Variants in ULK4 observed in about 807,000 individuals in gnomAD.
ULK4 encodes unc-51 like kinase 4, also known as inactive serine/threonine-protein kinase ULK4.
Under a neutral mutation model 160.6 loss-of-function variants are expected in ULK4, and 133 were observed. That is an observed-to-expected ratio of 0.83 (90% CI 0.72 to 0.96). The LOEUF (loss-of-function observed/expected upper bound fraction) is 0.96. Among genes scored for constraint, ULK4 ranks in the 40% least tolerant of loss-of-function variants. ULK4 has a pLI of 0.00. For synonymous variants in ULK4, 534 were observed against 539.8 expected (o/e 0.99, Z 0.15); for missense variants, 1,580 against 1,499.5 (o/e 1.05, Z -0.89).
chr3:41,637,023 G>T (rs1474903017), intron 30 of ULK4, among the ~76,000 whole-genome samples: 2 of 152,036 alleles, frequency 1.3e-5, no homozygotes, highest in African/African-American at 2.4e-5. Flanking sequence ...ATACATCATG[G>T]AATGGCTAAA....
intron 32 of ULK4, among the ~76,000 whole-genome samples, chr3:41,508,888 A>C (rs1169203683): frequency 6.6e-6 from 1 of 152,098 alleles, no homozygotes; most frequent in Non-Finnish European, 1.5e-5. Context: ...CCAGAAAAAC[A>C]ATTCTGGTAA....
At chr3:41,620,485 C>A (rs2033190900) in intron 30 of ULK4, among the ~76,000 whole-genome samples, 1 of 152,124 alleles carries the variant, frequency 6.6e-6, no homozygotes, top group Non-Finnish European at 1.5e-5. Context: ...TAAATGTAAT[C>A]CATCATATAA....
intron 17 of ULK4, among the ~76,000 whole-genome samples, chr3:41,856,073 A>G (rs1394375194): frequency 6.6e-6 from 1 of 152,204 alleles, no homozygotes; most frequent in East Asian, 1.9e-4. Flanking sequence ...TGAGATGTTT[A>G]ATTTGTATGC....
chr3:41,388,266 G>T (rs1036858845), intron 35 of ULK4, among the ~76,000 whole-genome samples: 9 of 151,978 alleles, frequency 5.9e-5, no homozygotes, highest in East Asian at 1.9e-4. Context: ...TGTAGATTCT[G>T]GATATTAGCC....
chr3:41,437,230 T>C (rs1399895075), intron 34 of ULK4, among the ~76,000 whole-genome samples: 1 of 152,112 alleles, frequency 6.6e-6, no homozygotes, highest in Non-Finnish European at 1.5e-5. Context: ...ATTCATGAAG[T>C]TTTCTTACTA....
intron 22 of ULK4, among the ~76,000 whole-genome samples, chr3:41,721,449 C>T (rs1438202746): frequency 7.0e-6 from 1 of 143,478 alleles, no homozygotes; most frequent in Non-Finnish European, 1.5e-5. Flanking sequence ...TTCAATGCAA[C>T]CTCTGCCACA....
intron 19 of ULK4, 128 bp from the exon 20 acceptor site, chr3:41,800,421 G>C: frequency 2.5e-6 from 2 of 815,962 alleles, no homozygotes; most frequent in Non-Finnish European, 3.8e-6. Flanking sequence ...AGGCAACTTG[G>C]GAGGAATGAT....
intron 31 of ULK4, among the ~76,000 whole-genome samples, chr3:41,592,897 C>T (rs372603948): frequency 2.6e-5 from 4 of 152,134 alleles, no homozygotes; most frequent in Non-Finnish European, 1.5e-5. Context: ...CTCTTAATGT[C>T]GATTTTTTTT....
chr3:41,253,303 T>A (rs1027109717), intron 35 of ULK4, among the ~76,000 whole-genome samples: 1 of 152,022 alleles, frequency 6.6e-6, no homozygotes, highest in Non-Finnish European at 1.5e-5. Context: ...AAAATACATA[T>A]AATATTGTAT....
intron 34 of ULK4, among the ~76,000 whole-genome samples, chr3:41,403,177 A>G (rs561469697): frequency 1.8e-4 from 28 of 152,218 alleles, no homozygotes; most frequent in Non-Finnish European, 3.5e-4. Flanking sequence ...TAATTATATA[A>G]AATTGATACT....
chr3:41,315,220 C>T (rs9843445), intron 35 of ULK4, among the ~76,000 whole-genome samples: 26,889 of 152,004 alleles, frequency 0.18, 3,034 homozygotes, highest in African/African-American at 0.32. Flanking sequence ...GGATGAAGTT[C>T]TCTAAAATTC....
intron 2 of ULK4, among the ~76,000 whole-genome samples, chr3:41,946,689 T>A (rs548320397): frequency 5.3e-5 from 8 of 152,342 alleles, no homozygotes; most frequent in Admixed American, 4.6e-4. Flanking sequence ...ATCCAGCATT[T>A]GTAGTGTGTG....
chr3:41,324,881 T>A (rs1194897416), intron 35 of ULK4, among the ~76,000 whole-genome samples: 2 of 152,196 alleles, frequency 1.3e-5, no homozygotes, highest in Admixed American at 6.5e-5. Flanking sequence ...CATGATAAAC[T>A]ATGCACATTT....
intron 29 of ULK4, among the ~76,000 whole-genome samples, chr3:41,669,387 C>T (rs751065107): frequency 6.6e-6 from 1 of 152,054 alleles, no homozygotes; most frequent in Non-Finnish European, 1.5e-5. Flanking sequence ...CCCACTCCCA[C>T]CCCAAAGTAG....
chr3:41,830,275 A>T (rs570156213), intron 18 of ULK4, among the ~76,000 whole-genome samples: 1 of 152,248 alleles, frequency 6.6e-6, no homozygotes, highest in African/African-American at 2.4e-5. Flanking sequence ...ATGCACATGT[A>T]CCCTAAAACT....
chr3:41,533,068 C>G (rs1559373876), intron 32 of ULK4, among the ~76,000 whole-genome samples: 1 of 152,182 alleles, frequency 6.6e-6, no homozygotes, highest in Admixed American at 6.5e-5. Flanking sequence ...CCTGAGCTAG[C>G]CTCCTTGAGT....
At position 41,923,110 on chromosome 3, in the gene ULK4, C is replaced by T. The variant is rs138203462; in HGVS notation, c.542-3292G>A. ...TTGAACCTGGGAGGCAGAGGTTGCA[C>T]TGAGCCGAGATCACACCATTGCACT... On this transcript the variant is annotated intron_variant, in intron 5 of 36. Transcript: ENST00000301831. 8.6e-3 allele frequency among the ~76,000 whole-genome samples: 1,295 copies of T among 149,962 alleles called. 17 individuals carry two copies. The highest frequency in any genetic ancestry group is 0.031 in the African/African-American group (1,247 of 40,742).
chr3:41,693,673 A>G (rs1331866132), intron 27 of ULK4, among the ~76,000 whole-genome samples: 1 of 152,232 alleles, frequency 6.6e-6, no homozygotes, highest in Non-Finnish European at 1.5e-5. Flanking sequence ...TTTATCTACA[A>G]GAGTAATGAG....
chr3:41,413,499 T>C (rs1575529510), intron 34 of ULK4, among the ~76,000 whole-genome samples: 1 of 152,214 alleles, frequency 6.6e-6, no homozygotes, highest in East Asian at 1.9e-4. Context: ...AGTCATTGTC[T>C]AGTTAATAAA....
Sources: gnomAD v4.1 joint callset for allele counts (sites outside exome capture counted in the v4.1 genomes callset) on GRCh38, gnomAD v4.1.1 for gene constraint, MANE v1.5 for transcripts, NCBI Gene and HGNC (gene_info 2026-07-23, HGNC 2026-07-21) for gene names.